The following RUBCN variants were observed in gnomAD, a reference collection of about 807,000 sequenced individuals.
RUBCN encodes the protein run domain Beclin-1-interacting and cysteine-rich domain-containing protein.
RUBCN carries 74 observed loss-of-function variants against 113.2 expected under a neutral mutation model. The ratio of observed to expected loss-of-function variants is 0.65; its 90% CI spans 0.54 to 0.79. The LOEUF (loss-of-function observed/expected upper bound fraction) is 0.79. Ranked by LOEUF, RUBCN falls within the 30% of genes least tolerant of loss-of-function variation. RUBCN has a pLI of 0.00. For synonymous variants in RUBCN, 480 were observed against 490.0 expected, an observed-to-expected ratio of 0.98 and a Z score of 0.27; for missense variants, 1,109 against 1,251.7, an observed-to-expected ratio of 0.89 and a Z score of 1.72.
Position 197,732,170 on chromosome 3 carries a change from G to T in RUBCN, c.65+4485C>A, listed in dbSNP as rs573808522. Among the ~76,000 whole-genome samples, 12 of 152,332 alleles carry T rather than the reference G, an allele frequency of 7.9e-5. No individual in the cohort carries two copies. In the East Asian group the frequency reaches 2.3e-3, roughly 29 times the overall value. ...CCTGGATCACGGTGCCAGGAGCACTGAGCAGTACATGTACCTGAGCTGCAA... is the reference window on the plus strand; with the variant it reads ...CCTGGATCACGGTGCCAGGAGCACTTAGCAGTACATGTACCTGAGCTGCAA... On this transcript the variant is annotated intron_variant, in intron 1 of 19. Transcript: ENST00000296343.
intron 2 of RUBCN, among the ~76,000 whole-genome samples, chr3:197,713,050 G>T (rs1424520261): frequency 6.6e-6 from 1 of 151,918 alleles, no homozygotes; most frequent in Non-Finnish European, 1.5e-5. Context: ...GTAGAGATGG[G>T]GTTTCACCAT....
chr3:197,727,130 G>A (rs1333427145), intron 1 of RUBCN, among the ~76,000 whole-genome samples: 2 of 151,770 alleles, frequency 1.3e-5, no homozygotes, highest in Non-Finnish European at 2.9e-5. Flanking sequence ...AGTAGAAATG[G>A]GGTTTCACCA....
chr3:197,736,778 A>G lies in RUBCN; in HGVS notation c.-59T>C. 1.3e-6 allele frequency: 2 copies of G among 1,511,094 alleles called. No individual in the cohort carries two copies. The highest frequency in any genetic ancestry group is 1.8e-6 in the Non-Finnish European group (2 of 1,136,420). The allele number at this position is 1,511,094 out of a possible 1,614,324, so 93.6% of individuals were successfully genotyped here. ...AGGCGTCCCTGCCGCTTCGCCCTTC[A>G]GGGCTCCCGGGGCCCCCTGGGGCCG... On this transcript the variant is annotated 5_prime_UTR_variant, in exon 1 of 20. Transcript: ENST00000296343.
rs968949837 is a variant in RUBCN at position 197,669,482 on chromosome 3, A to C, written c.*5536T>G. On this transcript the variant is annotated 3_prime_UTR_variant, in exon 20 of 20. Transcript: ENST00000296343. The stretch of plus-strand genomic sequence containing the variant: ...GTTGTTTGTTGTTTTTCTCATGATT[A>C]GACTGAGGTTATGGGTTTCTGAATG... 2.6e-5 allele frequency among the ~76,000 whole-genome samples: 4 copies of C among 152,208 alleles called. No individual in the cohort carries two copies. Among genetic ancestry groups the C allele is most frequent in the Non-Finnish European group, 5.9e-5 (4 of 68,032 alleles).
At position 197,695,916 on chromosome 3, in the gene RUBCN, T is replaced by C; in HGVS notation, c.1423A>G (p.Ile475Val). The C allele has an allele frequency of 2.5e-6, 4 of 1,614,186 alleles. No individual in the cohort carries two copies. The highest frequency in any genetic ancestry group is 3.4e-6 in the Non-Finnish European group (4 of 1,180,032). Residue 475 changes from isoleucine (I) to valine (V), a missense_variant, in exon 9 of 20, where the codon ATC (isoleucine) becomes GTC (valine). This residue lies in a region of RUBCN where 736 missense variants were observed against 779.6 expected (regional missense o/e 0.94). Coordinates refer to ENST00000296343, the MANE Select transcript of RUBCN (RefSeq NM_014687.4). ...AAGTCTTGCTCAGAGAGGTAGCTGA[T>C]GAGGGACTGTCCTTCTGATGGTCTT... The part of the protein sequence containing the change: ...FRRPSEGQSL[I>V]SYLSEQDFGS...
rs576730874 is a variant in RUBCN, at chr3:197,729,610, GT to G, written c.65+7044del. ...GTCTCGATCTGTTGCCCAGGGTGGA[GT>G]GCAGTGGCATCACCTGGGCTCACTG... is the stretch of plus-strand genomic sequence containing the variant. On this transcript the variant is annotated intron_variant, in intron 1 of 19. Transcript: ENST00000296343. Among the ~76,000 whole-genome samples, 1,471 of 152,178 alleles carry G rather than the reference GT, an allele frequency of 9.7e-3. 30 individuals carry two copies. The highest frequency in any genetic ancestry group is 0.034 in the African/African-American group (1,416 of 41,514).
At chr3:197,747,957 A>G (rs1324766145) in intron 1 of RUBCN, among the ~76,000 whole-genome samples, 1 of 147,990 alleles carries the variant, frequency 6.8e-6, no homozygotes, top group African/African-American at 2.5e-5. Context: ...TTTGAGATGG[A>G]GTCTTGCTGT....
At chr3:197,702,385 G>A (rs772696167) in intron 5 of RUBCN, among the ~76,000 whole-genome samples, 26 of 152,182 alleles carry the variant, frequency 1.7e-4, no homozygotes, top group East Asian at 1.2e-3. Flanking sequence ...GAATCAGGCC[G>A]GGCACAGTGC....
At chr3:197,741,627 T>C (rs1728527154), upstream of RUBCN, among the ~76,000 whole-genome samples, 1 of 151,994 alleles carries the variant, frequency 6.6e-6, no homozygotes, top group Non-Finnish European at 1.5e-5. Flanking sequence ...GGTCAGGAGT[T>C]CAAGAACAGC....
intron 2 of RUBCN, among the ~76,000 whole-genome samples, chr3:197,710,328 C>T (rs1015356243): frequency 5.3e-5 from 8 of 152,138 alleles, no homozygotes; most frequent in Admixed American, 3.3e-4. Flanking sequence ...CGGCCGGGCG[C>T]GGTGGCTCAT....
At chr3:197,749,327 A>C in exon 1 of RUBCN, 1 of 1,150,170 alleles carries the variant, frequency 8.7e-7, no homozygotes, top group Non-Finnish European at 1.1e-6. Context: ...AGATGTTTTG[A>C]GAGTGCCGAT....
chr3:197,705,286 C>T (rs765329423), intron 2 of RUBCN, 111 bp from the exon 3 acceptor site: 9 of 945,508 alleles, frequency 9.5e-6, no homozygotes, highest in Non-Finnish European at 1.5e-5. Context: ...CTTGCCTCAT[C>T]AAAGGTTCTT....
intron 3 of RUBCN, 109 bp from the exon 4 acceptor site, chr3:197,704,810 A>G: frequency 2.4e-6 from 3 of 1,232,806 alleles, no homozygotes; most frequent in Non-Finnish European, 3.5e-6. Context: ...AATGCTTTGA[A>G]AGGCTTCACC....
chr3:197,712,978 G>A lies in RUBCN; in HGVS notation c.219+4999C>T, dbSNP rs535884115. On this transcript the variant is annotated intron_variant, in intron 2 of 19. Coordinates refer to ENST00000296343, the MANE Select transcript of RUBCN (RefSeq NM_014687.4). ...AGGTTCAAGCGATTCTCCTGCCTCA[G>A]CCTCCCGAGTAGCTGGGATTACAGG... Among the ~76,000 whole-genome samples the A allele has an allele frequency of 2.0e-5, 3 of 151,914 alleles. No individual in the cohort carries two copies. The East Asian group carries it at 5.8e-4, about 29-fold the overall frequency.
At chr3:197,692,162 G>A (rs527699190) in intron 11 of RUBCN, among the ~76,000 whole-genome samples, 1 of 152,060 alleles carries the variant, frequency 6.6e-6, no homozygotes, top group South Asian at 2.1e-4. Flanking sequence ...AGTCACCAGT[G>A]GCCGATGACT....
intron 1 of RUBCN, among the ~76,000 whole-genome samples, chr3:197,722,119 T>C (rs992586527): frequency 2.0e-5 from 3 of 151,872 alleles, no homozygotes; most frequent in Non-Finnish European, 4.4e-5. Context: ...GGTGCGTGCA[T>C]GTAATCCCAG....
intron 1 of RUBCN, among the ~76,000 whole-genome samples, chr3:197,722,002 T>G (rs13433927): frequency 0.11 from 17,173 of 151,630 alleles, 1,190 homozygotes; most frequent in African/African-American, 0.18. Flanking sequence ...ACTTTGGGAG[T>G]CCGAGGTGGG....
chr3:197,734,267 A>C (rs1236864437), intron 1 of RUBCN, among the ~76,000 whole-genome samples: 1 of 151,664 alleles, frequency 6.6e-6, no homozygotes. Context: ...AAAAAAAAAA[A>C]AAAAAAAGTG....
intron 1 of RUBCN, among the ~76,000 whole-genome samples, chr3:197,741,907 T>A: frequency 6.6e-6 from 1 of 151,040 alleles, no homozygotes; most frequent in East Asian, 2.0e-4. Flanking sequence ...GTGCTTTTTC[T>A]TTTTTTTTGA....
Sources: gnomAD v4.1 joint callset for allele counts (sites outside exome capture counted in the v4.1 genomes callset) on GRCh38, gnomAD v4.1.1 for gene constraint, gnomAD v4.1.1 regional missense constraint, MANE v1.5 for transcripts, NCBI Gene and HGNC (gene_info 2026-07-23, HGNC 2026-07-21) for gene names.